VPS13B: variants seen among roughly 807,000 people sequenced by gnomAD.
VPS13B encodes intermembrane lipid transfer protein VPS13B.
Under a neutral mutation model 426.4 loss-of-function variants are expected in VPS13B, and 285 were observed. That is an observed-to-expected ratio of 0.67 (90% CI 0.61 to 0.74). The LOEUF (loss-of-function observed/expected upper bound fraction) is 0.74. VPS13B is among the 30% of genes least tolerant of loss of function. The pLI is 0.00. For missense variants in VPS13B, 4,537 were observed against 4,782.6 expected, an observed-to-expected ratio of 0.95 and a Z score of 1.51; for synonymous variants, 1,676 against 1,676.4, an observed-to-expected ratio of 1.00 and a Z score of 0.01.
At chr8:99,782,982 G>A (rs186898182) in intron 42 of VPS13B, among the ~76,000 whole-genome samples, 4 of 152,210 alleles carry the variant, frequency 2.6e-5, no homozygotes, top group Admixed American at 2.0e-4. Context: ...GGGCTTAGAA[G>A]TCCTCAAGGG....
intron 39 of VPS13B, among the ~76,000 whole-genome samples, chr8:99,730,558 C>T (rs1833552637): frequency 6.6e-6 from 1 of 151,928 alleles, no homozygotes; most frequent in African/African-American, 2.4e-5. Flanking sequence ...TTAAAAAGAG[C>T]CCTGCCTGAG....
intron 21 of VPS13B, among the ~76,000 whole-genome samples, chr8:99,399,292 T>C (rs996904081): frequency 6.6e-5 from 10 of 152,202 alleles, no homozygotes; most frequent in Admixed American, 4.6e-4. Context: ...GAAAAAAGTA[T>C]TAGTCTGCAG....
intron 44 of VPS13B, among the ~76,000 whole-genome samples, chr8:99,810,288 T>A (rs2130788264): frequency 6.6e-6 from 1 of 152,334 alleles, no homozygotes; most frequent in South Asian, 2.1e-4. Flanking sequence ...GCACACATAA[T>A]AACTGGATTT....
At chr8:99,451,426 G>C (rs1327054425) in intron 23 of VPS13B, among the ~76,000 whole-genome samples, 2 of 152,206 alleles carry the variant, frequency 1.3e-5, no homozygotes, top group African/African-American at 4.8e-5. Context: ...GTGCTTGCTT[G>C]TTGATATCTT....
chr8:99,783,605 G>A (rs1563915745), intron 42 of VPS13B, among the ~76,000 whole-genome samples: 1 of 152,144 alleles, frequency 6.6e-6, no homozygotes, highest in East Asian at 1.9e-4. Context: ...AATTTGCTGC[G>A]CTTTAGCTGA....
intron 39 of VPS13B, among the ~76,000 whole-genome samples, chr8:99,724,377 C>CT (rs1371988420): frequency 3.9e-5 from 6 of 152,156 alleles, no homozygotes; most frequent in African/African-American, 1.4e-4. Flanking sequence ...TGGTTCTATA[C>CT]TAGAGGCACA....
At chr8:99,079,947 T>C (rs1845353614) in intron 3 of VPS13B, among the ~76,000 whole-genome samples, 1 of 151,500 alleles carries the variant, frequency 6.6e-6, no homozygotes, top group Admixed American at 6.6e-5. Flanking sequence ...AAAGTAGTTT[T>C]CATTTTAAAA....
At chr8:99,362,122 A>G (rs1239606320) in intron 19 of VPS13B, among the ~76,000 whole-genome samples, 1 of 144,984 alleles carries the variant, frequency 6.9e-6, no homozygotes, top group Non-Finnish European at 1.5e-5. Flanking sequence ...AAGGGCAGCT[A>G]TTATATTTTA....
At chr8:99,129,513 G>A (rs1809633434) in intron 8 of VPS13B, among the ~76,000 whole-genome samples, 1 of 142,642 alleles carries the variant, frequency 7.0e-6, no homozygotes, top group African/African-American at 2.6e-5. Context: ...GCTGCAATGA[G>A]CCATGTTTTC....
In VPS13B at chr8:99,230,430, A is replaced by G. The variant is rs143246981; in HGVS notation, c.2515+37373A>G. Among the ~76,000 whole-genome samples, 960 of 152,298 alleles carry G rather than the reference A, an allele frequency of 6.3e-3. 7 individuals are homozygous for G. Among genetic ancestry groups the G allele is most frequent in the African/African-American group, 0.022 (901 of 41,566 alleles). On this transcript the variant is annotated intron_variant, in intron 17 of 61. Transcript: ENST00000357162. ...CCTTGAGGTCAGAAGTCCTCCTCCC[A>G]TAGGAAATTTTAGATCTCATTCCCC...
At chr8:99,787,158 A>ACTG in intron 43 of VPS13B, among the ~76,000 whole-genome samples, 1 of 152,158 alleles carries the variant, frequency 6.6e-6, no homozygotes, top group East Asian at 1.9e-4. Flanking sequence ...TCCACTAAAC[A>ACTG]ATGTAGCTAA....
intron 2 of VPS13B, among the ~76,000 whole-genome samples, chr8:99,031,555 A>G (rs1842507352): frequency 6.6e-6 from 1 of 152,046 alleles, no homozygotes; most frequent in African/African-American, 2.4e-5. Flanking sequence ...GTAGGAAAAA[A>G]CTTTTTCCTG....
rs996333047 is a variant in VPS13B, at chr8:99,875,531, C to T, written c.11859C>T (p.Cys3953=). ...APSCSSMQIP[C]PVVAAEPPPS... The stretch of plus-strand genomic sequence containing the variant: ...GCTGTTCTTCCATGCAAATACCATG[C>T]CCTGTGGTGGCTGCAGAACCTCCCC... The change falls in exon 62 of 62, where the codon TGC becomes TGT. Residue 3953 remains cysteine, a synonymous_variant. Transcript: ENST00000357162. The T allele has an allele frequency of 6.2e-7, 1 of 1,614,042 alleles. No individual in the cohort carries two copies. The highest frequency in any genetic ancestry group is 1.7e-5 in the Admixed American group (1 of 60,024).
At chr8:99,127,359 T>C (rs1483520129) in intron 8 of VPS13B, among the ~76,000 whole-genome samples, 2 of 152,226 alleles carry the variant, frequency 1.3e-5, no homozygotes, top group African/African-American at 4.8e-5. Context: ...ACTGCCAATT[T>C]TATATTTCCA....
intron 44 of VPS13B, among the ~76,000 whole-genome samples, chr8:99,815,705 T>C (rs1417461127): frequency 1.3e-5 from 2 of 152,192 alleles, no homozygotes; most frequent in Non-Finnish European, 2.9e-5. Context: ...GGAAATTCAG[T>C]ATGTGAAAGT....
chr8:99,548,607 T>A (rs1456520467), intron 30 of VPS13B, among the ~76,000 whole-genome samples: 1 of 151,970 alleles, frequency 6.6e-6, no homozygotes, highest in Non-Finnish European at 1.5e-5. Flanking sequence ...TAATTTCATA[T>A]TGAAAAAGCA....
intron 35 of VPS13B, 127 bp downstream of exon 35, chr8:99,661,618 G>C: frequency 8.3e-7 from 1 of 1,207,562 alleles, no homozygotes; most frequent in Non-Finnish European, 1.2e-6. Flanking sequence ...TCCCAGAGGT[G>C]TATGCTTTTC....
chr8:99,173,459 AT>A (rs1812465834), intron 16 of VPS13B, among the ~76,000 whole-genome samples: 2 of 152,176 alleles, frequency 1.3e-5, no homozygotes, highest in South Asian at 4.1e-4. Context: ...AGGGCTTAAA[AT>A]GATGTTTATA....
intron 50 of VPS13B, among the ~76,000 whole-genome samples, chr8:99,821,876 T>G (rs979327359): frequency 1.3e-5 from 2 of 152,202 alleles, no homozygotes; most frequent in African/African-American, 4.8e-5. Context: ...GCAGCAAAGT[T>G]TATATTTCTG....
Sources: allele counts gnomAD v4.1 joint callset (sites outside exome capture counted in the v4.1 genomes callset), GRCh38; gene constraint gnomAD v4.1.1; transcripts MANE v1.5; gene names NCBI Gene and HGNC (gene_info 2026-07-23, HGNC 2026-07-21).